The following USP8 variants were observed in gnomAD, a reference collection of about 807,000 sequenced individuals.
The protein encoded by USP8 is ubiquitin specific peptidase 8, also known as ubiquitin carboxyl-terminal hydrolase 8.
In USP8, 27 loss-of-function variants were observed where a neutral mutation model predicts 130.0. That is an observed-to-expected ratio of 0.21 (90% CI 0.15 to 0.29). The LOEUF (loss-of-function observed/expected upper bound fraction) is 0.29, where lower values mean the gene tolerates loss of function less well. Among genes scored for constraint, USP8 ranks in the 10% least tolerant of loss-of-function variants. USP8 has a pLI of 1.00. For synonymous variants in USP8, 392 were observed against 444.1 expected (o/e 0.88, Z 1.48); for missense variants, 1,029 against 1,312.2 (o/e 0.78, Z 3.33).
rs58329541 is a variant in USP8 at position 50,506,957 on chromosome 15, CAAAAAAAAAAAAAAAAAAA to C, written c.*7884_*7902del. On this transcript the variant is annotated 3_prime_UTR_variant, in exon 20 of 20. Transcript: ENST00000307179. ...TGGGCGACAGAGCGAGACTTCATCTCAAAAAAAAAAAAAAAAAAAAAAAAAAAAAAAAATCCAGTTTTAG... is the reference window on the plus strand; with the variant it reads ...TGGGCGACAGAGCGAGACTTCATCTCAAAAAAAAAAAAAATCCAGTTTTAG... 2.2e-5 allele frequency: 1 copy of C among 46,196 alleles called. No homozygotes were observed. The highest frequency in any genetic ancestry group is 9.5e-5 in the African/African-American group (1 of 10,530). 2.9% of individuals were successfully genotyped at this position (46,196 alleles called of 1,614,324 possible).
At chr15:50,487,717 G>A (rs1490861784) in intron 12 of USP8, among the ~76,000 whole-genome samples, 1 of 152,196 alleles carries the variant, frequency 6.6e-6, no homozygotes, top group African/African-American at 2.4e-5. Flanking sequence ...CTCATTCTGT[G>A]TAAAATGCCA....
In USP8 at chr15:50,498,694, A is replaced by G. The variant is rs1371184668; in HGVS notation, c.3137A>G (p.Asn1046Ser). ...TCACAGTATGTTATTGGTCCAAAGA[A>G]CAATTTGAAGAAATATAATTTGTTT... ...DLSQYVIGPK[N>S]NLKKYNLFSV... The change falls in exon 19 of 20, where the codon AAC becomes AGC. Residue 1046 changes from asparagine to serine, a missense_variant. This residue lies in a region of USP8 where 257 missense variants were observed against 429.8 expected (regional missense o/e 0.60). Transcript: ENST00000307179. The G allele has an allele frequency of 1.2e-6, 2 of 1,611,986 alleles. No homozygotes were observed. The highest frequency in any genetic ancestry group is 1.7e-6 in the Non-Finnish European group (2 of 1,178,654).
At chr15:50,496,889 G>C in intron 17 of USP8, 200 bp from the exon 18 acceptor site, 1 of 566,208 alleles carries the variant, frequency 1.8e-6, no homozygotes, top group Admixed American at 3.8e-5. Flanking sequence ...ACTGTAGGTA[G>C]CACTCACCAC....
chr15:50,511,807 G>C lies in USP8; in HGVS notation c.*12719G>C, dbSNP rs976674533. On this transcript the variant is annotated 3_prime_UTR_variant, in exon 20 of 20. Transcript: ENST00000307179. Reference sequence around the variant, plus strand: ...ACGTCTGGAGTTTGAGACCAGCCTGGGCAATATAGCAAAACCCCATCTCAA... The same window carrying C: ...ACGTCTGGAGTTTGAGACCAGCCTGCGCAATATAGCAAAACCCCATCTCAA... 1.3e-5 allele frequency: 2 copies of C among 152,100 alleles called. No homozygotes were observed. The highest frequency in any genetic ancestry group is 4.8e-5 in the African/African-American group (2 of 41,388). The allele number at this position is 152,100 out of a possible 1,614,324, so 9.4% of individuals were successfully genotyped here. A position where few individuals can be genotyped will look rare whatever the true frequency, so the allele number is the denominator to read the frequency against.
chr15:50,464,933 A>C, intron 6 of USP8, 114 bp from the exon 7 acceptor site: 1 of 1,037,878 alleles, frequency 9.6e-7, no homozygotes, highest in Non-Finnish European at 1.4e-6. Flanking sequence ...TGTGGCATCC[A>C]TATATATTCA....
At chr15:50,473,981 G>A (rs1451809322) in intron 8 of USP8, among the ~76,000 whole-genome samples, 3 of 151,542 alleles carry the variant, frequency 2.0e-5, no homozygotes, top group African/African-American at 4.9e-5. Flanking sequence ...GATTACAGGC[G>A]CCCACCATCA....
intron 8 of USP8, among the ~76,000 whole-genome samples, chr15:50,474,030 T>C (rs141848167): frequency 8.8e-4 from 134 of 151,580 alleles, no homozygotes; most frequent in African/African-American, 3.0e-3. Context: ...TTTGAAGACA[T>C]ATCTTACTCT....
At chr15:50,459,723 A>G (rs1161785577) in intron 5 of USP8, among the ~76,000 whole-genome samples, 1 of 152,210 alleles carries the variant, frequency 6.6e-6, no homozygotes, top group African/African-American at 2.4e-5. Flanking sequence ...AGCAATAGAA[A>G]AATCATTTGA....
rs1332806239 is a variant in USP8 at position 50,501,599 on chromosome 15, A to AGG, written c.*2515_*2516dup. On this transcript the variant is annotated 3_prime_UTR_variant, in exon 20 of 20. Coordinates refer to ENST00000307179, the MANE Select transcript of USP8 (RefSeq NM_005154.5). ...CTGCATATTGCTACAGCACAAATTG[A>AGG]GGGGGCTATGTAGCAACAACCCCTC... 1.3e-5 allele frequency: 2 copies of AGG among 151,962 alleles called. No homozygotes were observed. Among genetic ancestry groups the AGG allele is most frequent in the East Asian group, 3.9e-4 (2 of 5,186 alleles). 9.4% of individuals were successfully genotyped at this position (151,962 alleles called of 1,614,324 possible).
chr15:50,489,768 T>C (rs534306371), intron 12 of USP8, 33 bp from the exon 13 acceptor site: 15 of 1,358,324 alleles, frequency 1.1e-5, no homozygotes, highest in African/African-American at 6.1e-5. Flanking sequence ...AAAAAAAATT[T>C]TTTTTTAATT....
rs571407378 is a variant in USP8 at position 50,475,676 on chromosome 15, C to T, written c.850-1173C>T. 2.0e-5 allele frequency among the ~76,000 whole-genome samples: 3 copies of T among 152,272 alleles called. No homozygotes were observed. In the South Asian group the frequency reaches 6.2e-4, roughly 32 times the overall value. ...GGAGTGCAGTGGCGCTATCTTGGCT[C>T]ACTGCAACCTCCGCCTCTCGGGTTC... On this transcript the variant is annotated intron_variant, in intron 8 of 19. Transcript: ENST00000307179.
chr15:50,481,412 T>G, intron 10 of USP8, 69 bp from the exon 11 acceptor site: 3 of 1,157,344 alleles, frequency 2.6e-6, no homozygotes, highest in African/African-American at 1.6e-5. Flanking sequence ...TATCACAACT[T>G]GATCTCAAGA....
At position 50,488,596 on chromosome 15, in the gene USP8, G is replaced by A. The variant is rs28633827; in HGVS notation, c.1891-1205G>A. ...TTTTTTTTTTTGGAGATGGAGTCTC[G>A]CTCTGCCACCCAGGCGGGAGTGCAG... On this transcript the variant is annotated intron_variant, in intron 12 of 19. Transcript: ENST00000307179. Among the ~76,000 whole-genome samples, 418 of 119,614 alleles carry A rather than the reference G, an allele frequency of 3.5e-3. 4 individuals carry two copies. The highest frequency in any genetic ancestry group is 0.013 in the African/African-American group (406 of 30,694). 78.5% of individuals were successfully genotyped at this position (119,614 alleles called of 152,430 possible).
chr15:50,497,040 A>AT (rs768457789), intron 17 of USP8, 49 bp from the exon 18 acceptor site: 2 of 1,560,308 alleles, frequency 1.3e-6, no homozygotes, highest in Admixed American at 4.0e-5. Context: ...CTCTGACATT[A>AT]TTGAAGAATC....
At chr15:50,469,697 C>T (rs984043650) in intron 7 of USP8, among the ~76,000 whole-genome samples, 1 of 152,008 alleles carries the variant, frequency 6.6e-6, no homozygotes, top group African/African-American at 2.4e-5. Flanking sequence ...TGTACCAGTC[C>T]GGCCCAGCTT....
At chr15:50,493,388 T>C in intron 15 of USP8, 1 of 519,366 alleles carries the variant, frequency 1.9e-6, no homozygotes, top group South Asian at 1.4e-5. Context: ...CATTTTACCT[T>C]TCAAACCATA....
intron 4 of USP8, among the ~76,000 whole-genome samples, chr15:50,457,587 C>T (rs2050832501): frequency 7.1e-6 from 1 of 140,246 alleles, no homozygotes; most frequent in Admixed American, 7.4e-5. Flanking sequence ...AAACAGCCAG[C>T]CACGGTGGCT....
chr15:50,465,396 AAAAG>A (rs1381810782), intron 7 of USP8, among the ~76,000 whole-genome samples: 2 of 152,130 alleles, frequency 1.3e-5, no homozygotes, highest in African/African-American at 4.8e-5. Context: ...TTTAATAGGC[AAAAG>A]AAAGAGAAAG....
At chr15:50,475,866 G>T (rs1324281806) in intron 8 of USP8, among the ~76,000 whole-genome samples, 1 of 152,046 alleles carries the variant, frequency 6.6e-6, no homozygotes, top group Admixed American at 6.6e-5. Flanking sequence ...GCCTTCCAAA[G>T]TGCTGGGATT....
Sources: gnomAD v4.1 joint callset for allele counts (sites outside exome capture counted in the v4.1 genomes callset) on GRCh38, gnomAD v4.1.1 for gene constraint, gnomAD v4.1.1 regional missense constraint, MANE v1.5 for transcripts, NCBI Gene and HGNC (gene_info 2026-07-23, HGNC 2026-07-21) for gene names.